Variants in ANTXR1 observed in about 807,000 individuals in gnomAD.
ANTXR1 encodes ANTXR cell adhesion molecule 1, also known as anthrax toxin receptor 1.
In ANTXR1, 19 loss-of-function variants were observed where a neutral mutation model predicts 78.1. The observed-to-expected ratio is 0.24, with a 90% confidence interval of 0.17 to 0.36. The LOEUF (loss-of-function observed/expected upper bound fraction) is 0.36, where lower values mean the gene tolerates loss of function less well. ANTXR1 is among the 10% of genes least tolerant of loss of function. The probability of loss-of-function intolerance (pLI) is 1.00; values close to 1 mark genes in which losing one functional copy is unlikely to be tolerated. For missense variants in ANTXR1, 518 were observed against 718.6 expected (o/e 0.72, Z 3.19); for synonymous variants, 273 against 260.5 (o/e 1.05, Z -0.46).
intron 12 of ANTXR1, chr2:69,146,376 AT>A (rs1038010085): frequency 3.6e-5 from 35 of 983,736 alleles, no homozygotes; most frequent in South Asian, 4.7e-5. Flanking sequence ...CTTTATTTCC[AT>A]TTTTTTTAAT....
At chr2:69,127,057 T>A (rs13415105) in intron 12 of ANTXR1, among the ~76,000 whole-genome samples, 43,044 of 151,962 alleles carry the variant, frequency 0.28, 7,185 homozygotes, top group African/African-American at 0.46. Context: ...GGTGCCTGGG[T>A]TATATCAGAG....
chr2:69,187,841 G>C (rs1480451821), intron 16 of ANTXR1, among the ~76,000 whole-genome samples: 2 of 150,954 alleles, frequency 1.3e-5, no homozygotes, highest in African/African-American at 4.9e-5. Context: ...TGACCGCCTC[G>C]GCCGCCCATA....
intron 14 of ANTXR1, among the ~76,000 whole-genome samples, chr2:69,177,945 G>GC (rs1330555442): frequency 6.6e-6 from 1 of 152,086 alleles, no homozygotes; most frequent in Non-Finnish European, 1.5e-5. Flanking sequence ...GGCTCATCCA[G>GC]CCCCATCCTC....
At chr2:69,154,919 G>T (rs1234234713) in intron 13 of ANTXR1, among the ~76,000 whole-genome samples, 1 of 152,182 alleles carries the variant, frequency 6.6e-6, no homozygotes, top group Non-Finnish European at 1.5e-5. Context: ...GGGTAGGAGA[G>T]CAGGCCCAGT....
At chr2:69,069,694 A>G (rs922139232) in intron 3 of ANTXR1, among the ~76,000 whole-genome samples, 1 of 152,212 alleles carries the variant, frequency 6.6e-6, no homozygotes, top group Non-Finnish European at 1.5e-5. Flanking sequence ...ACTCACTTTC[A>G]GTGGTTATTA....
chr2:69,190,399 A>G (rs1366373822), intron 16 of ANTXR1, among the ~76,000 whole-genome samples: 2 of 152,194 alleles, frequency 1.3e-5, no homozygotes, highest in Non-Finnish European at 2.9e-5. Context: ...GCATGCTTAC[A>G]AAGTTCAAAT....
intron 12 of ANTXR1, among the ~76,000 whole-genome samples, chr2:69,141,413 C>T (rs1393552437): frequency 6.6e-6 from 1 of 152,192 alleles, no homozygotes; most frequent in South Asian, 2.1e-4. Context: ...GAAAGATTTA[C>T]AATGATTCTG....
At chr2:69,130,147 A>G (rs1672688735) in intron 12 of ANTXR1, among the ~76,000 whole-genome samples, 1 of 152,182 alleles carries the variant, frequency 6.6e-6, no homozygotes, top group Admixed American at 6.5e-5. Context: ...AACACCCAAG[A>G]TGTGGCAGTG....
chr2:69,201,021 T>C (rs958620429), intron 17 of ANTXR1, among the ~76,000 whole-genome samples: 2 of 152,138 alleles, frequency 1.3e-5, no homozygotes, highest in African/African-American at 2.4e-5. Flanking sequence ...AACCCATAGT[T>C]GTTAGATGTC....
rs750350122 is a variant in ANTXR1, at chr2:69,071,741, A to G, written c.379-13A>G. 61 of 1,613,678 alleles carry G rather than the reference A, an allele frequency of 3.8e-5. No individual in the cohort carries two copies. In the South Asian group the frequency reaches 5.3e-4, roughly 14 times the overall value. The stretch of plus-strand genomic sequence containing the variant: ...TGGTTATAAGTCTAAGGGCTCTTTC[A>G]TATGTTTTTCAGGCCAGTGAGCAGA... On this transcript the variant is annotated splice_polypyrimidine_tract_variant and intron_variant, in intron 4 of 17. Coordinates refer to ENST00000303714, the MANE Select transcript of ANTXR1 (RefSeq NM_032208.3).
At chr2:69,182,956 G>A in intron 16 of ANTXR1, 1 of 369,526 alleles carries the variant, frequency 2.7e-6, no homozygotes, top group Non-Finnish European at 4.9e-6. Context: ...AGGATGACAT[G>A]CAAATTCGTG....
At chr2:69,089,605 C>G (rs899835217) in intron 8 of ANTXR1, among the ~76,000 whole-genome samples, 4 of 152,140 alleles carry the variant, frequency 2.6e-5, no homozygotes, top group African/African-American at 9.7e-5. Flanking sequence ...TATTCTCTTT[C>G]ATTTGTGTCT....
At chr2:69,043,233 A>G (rs1669664822) in intron 2 of ANTXR1, among the ~76,000 whole-genome samples, 1 of 152,156 alleles carries the variant, frequency 6.6e-6, no homozygotes, top group Non-Finnish European at 1.5e-5. Context: ...CCTCAAGGAA[A>G]TTGTTTCATC....
At chr2:69,161,272 T>C (rs1673676072) in intron 13 of ANTXR1, among the ~76,000 whole-genome samples, 1 of 152,194 alleles carries the variant, frequency 6.6e-6, no homozygotes, top group African/African-American at 2.4e-5. Context: ...TGTGGACTAA[T>C]GGTAAAGCTC....
chr2:69,221,556 A>AG (rs1675320190), intron 17 of ANTXR1, among the ~76,000 whole-genome samples: 2 of 152,154 alleles, frequency 1.3e-5, no homozygotes, highest in Admixed American at 1.3e-4. Context: ...ACAAAGCAGA[A>AG]GGTGGCTGGG....
At chr2:69,122,912 T>C in intron 10 of ANTXR1, 105 bp from the exon 11 acceptor site, 2 of 1,280,744 alleles carry the variant, frequency 1.6e-6, no homozygotes, top group South Asian at 1.2e-5. Context: ...AGATTTTTGT[T>C]TTTTTGGTAT....
intron 1 of ANTXR1, among the ~76,000 whole-genome samples, chr2:69,029,296 A>AATAT (rs141547078): frequency 2.5e-4 from 37 of 148,152 alleles, no homozygotes; most frequent in African/African-American, 8.7e-4. Flanking sequence ...TCTAATATCT[A>AATAT]ATATATATAT....
intron 3 of ANTXR1, among the ~76,000 whole-genome samples, chr2:69,069,287 G>C (rs1441489682): frequency 6.6e-6 from 1 of 152,154 alleles, no homozygotes. Context: ...CAGGGCCTCT[G>C]GGATTAAATC....
chr2:69,080,226 T>C (rs1670861067), intron 8 of ANTXR1, among the ~76,000 whole-genome samples: 1 of 152,194 alleles, frequency 6.6e-6, no homozygotes, highest in African/African-American at 2.4e-5. Flanking sequence ...TCATCTTTCT[T>C]AAATCAGACA....
Sources: allele counts gnomAD v4.1 joint callset (sites outside exome capture counted in the v4.1 genomes callset), GRCh38; gene constraint gnomAD v4.1.1; transcripts MANE v1.5; gene names NCBI Gene and HGNC (gene_info 2026-07-23, HGNC 2026-07-21).